TMEM181: variants seen among roughly 807,000 people sequenced by gnomAD.
TMEM181 encodes the protein transmembrane protein 181.
Under a neutral mutation model 71.9 loss-of-function variants are expected in TMEM181, and 39 were observed. The observed-to-expected ratio is 0.54, with a 90% CI of 0.42 to 0.71. The LOEUF (loss-of-function observed/expected upper bound fraction) is 0.71, where lower values mean the gene tolerates loss of function less well. Ranked by LOEUF, TMEM181 falls within the 30% of genes least tolerant of loss-of-function variation. The pLI is 0.00. For missense variants in TMEM181, 595 were observed against 583.0 expected, an observed-to-expected ratio of 1.02 and a Z score of -0.21; for synonymous variants, 245 against 228.8, an observed-to-expected ratio of 1.07 and a Z score of -0.64.
At chr6:158,597,464 C>T (rs1784441896) in intron 6 of TMEM181, among the ~76,000 whole-genome samples, 2 of 152,024 alleles carry the variant, frequency 1.3e-5, no homozygotes, top group African/African-American at 4.8e-5. Context: ...CATTCTGTGC[C>T]CTCAGTGGAA....
At chr6:158,596,977 C>A (rs996442164) in intron 6 of TMEM181, among the ~76,000 whole-genome samples, 7 of 152,140 alleles carry the variant, frequency 4.6e-5, no homozygotes, top group African/African-American at 1.7e-4. Context: ...CGTATCACTT[C>A]CCTAATGTAC....
At chr6:158,606,626 G>A (rs955632807) in intron 7 of TMEM181, among the ~76,000 whole-genome samples, 1 of 152,208 alleles carries the variant, frequency 6.6e-6, no homozygotes, top group African/African-American at 2.4e-5. Context: ...TAAAAATTAT[G>A]TTATATAATG....
chr6:158,538,387 T>C (rs976442084), intron 1 of TMEM181, among the ~76,000 whole-genome samples: 1 of 151,900 alleles, frequency 6.6e-6, no homozygotes, highest in Non-Finnish European at 1.5e-5. Context: ...ACTCCTGGGC[T>C]CAAGTGATGC....
intron 10 of TMEM181, chr6:158,610,693 G>A: frequency 7.0e-6 from 2 of 287,750 alleles, no homozygotes; most frequent in Non-Finnish European, 1.4e-5. Flanking sequence ...CATCTCTGGA[G>A]ACGTTATGGG....
At chr6:158,602,879 G>T (rs1273850120) in intron 6 of TMEM181, among the ~76,000 whole-genome samples, 1 of 152,108 alleles carries the variant, frequency 6.6e-6, no homozygotes, top group African/African-American at 2.4e-5. Flanking sequence ...ACTGCACCTG[G>T]CCTAATTTAC....
At chr6:158,569,084 TC>T (rs1353335007) in intron 1 of TMEM181, among the ~76,000 whole-genome samples, 2 of 152,026 alleles carry the variant, frequency 1.3e-5, no homozygotes, top group Admixed American at 6.6e-5. Flanking sequence ...CAAACGATCC[TC>T]CCCCCTCAGC....
At chr6:158,602,780 C>T (rs1337012012) in intron 6 of TMEM181, among the ~76,000 whole-genome samples, 2 of 151,942 alleles carry the variant, frequency 1.3e-5, no homozygotes, top group Non-Finnish European at 2.9e-5. Flanking sequence ...CAGGATCTTG[C>T]TCTGTTGACC....
chr6:158,624,474 G>A (rs985574023), intron 11 of TMEM181, among the ~76,000 whole-genome samples: 2 of 152,242 alleles, frequency 1.3e-5, no homozygotes, highest in African/African-American at 4.8e-5. Context: ...CGGGGACTGC[G>A]TCTAAAGACA....
At position 158,537,293 on chromosome 6, in the gene TMEM181, C is replaced by G. The variant is rs370570451; in HGVS notation, c.131+428C>G. On this transcript the variant is annotated intron_variant, in intron 1 of 16. Transcript: ENST00000367090. ...GAGGCGACCGCGCGCGCTGCGGCGT[C>G]GGGAGGAGGGTCTTGGCCGCAGCTC... Among the ~76,000 whole-genome samples the G allele has an allele frequency of 2.4e-4, 36 of 152,164 alleles. No individual in the cohort carries two copies. In the South Asian group the frequency reaches 7.0e-3, roughly 30 times the overall value.
intron 10 of TMEM181, among the ~76,000 whole-genome samples, chr6:158,614,949 C>T (rs1000240742): frequency 5.3e-5 from 8 of 152,146 alleles, no homozygotes; most frequent in African/African-American, 1.9e-4. Flanking sequence ...AATAAACATA[C>T]GTGTGCATGT....
chr6:158,611,343 G>A, intron 10 of TMEM181: 1 of 521,668 alleles, frequency 1.9e-6, no homozygotes, highest in Non-Finnish European at 3.9e-6. Context: ...TTGAACTAGT[G>A]ACAGCCTCTC....
intron 1 of TMEM181, among the ~76,000 whole-genome samples, chr6:158,565,528 G>A (rs1782439126): frequency 6.6e-6 from 1 of 152,248 alleles, no homozygotes; most frequent in African/African-American, 2.4e-5. Context: ...AGCAGGAAGA[G>A]ACAACGCTGG....
At chr6:158,598,466 C>CTG (rs1387449153) in intron 6 of TMEM181, among the ~76,000 whole-genome samples, 2 of 152,040 alleles carry the variant, frequency 1.3e-5, no homozygotes, top group African/African-American at 4.8e-5. Context: ...CCCAGGGAAA[C>CTG]TGAGAGGAGT....
chr6:158,552,960 C>T (rs867441835), intron 1 of TMEM181, among the ~76,000 whole-genome samples: 15 of 152,220 alleles, frequency 9.9e-5, no homozygotes, highest in African/African-American at 2.6e-4. Flanking sequence ...GAGGCTGATG[C>T]GGGAGGATCA....
chr6:158,574,722 C>T (rs1000445369), intron 2 of TMEM181, among the ~76,000 whole-genome samples: 2 of 152,174 alleles, frequency 1.3e-5, no homozygotes, highest in South Asian at 2.1e-4. Flanking sequence ...AGAATCAATA[C>T]GAAATATCTA....
chr6:158,575,091 G>A (rs991186855), intron 2 of TMEM181, among the ~76,000 whole-genome samples: 2 of 152,150 alleles, frequency 1.3e-5, no homozygotes, highest in Non-Finnish European at 2.9e-5. Context: ...TCAGTCTACC[G>A]ATTCACATGT....
intron 3 of TMEM181, among the ~76,000 whole-genome samples, chr6:158,582,539 C>T (rs1783538337): frequency 1.3e-5 from 2 of 152,162 alleles, no homozygotes; most frequent in South Asian, 2.1e-4. Flanking sequence ...GTGGGGCATA[C>T]CTGTAGTCCC....
At chr6:158,575,763 T>C (rs968612397) in intron 2 of TMEM181, among the ~76,000 whole-genome samples, 5 of 152,222 alleles carry the variant, frequency 3.3e-5, no homozygotes, top group African/African-American at 9.6e-5. Flanking sequence ...ACATTTGATA[T>C]ATGCTTCCCA....
chr6:158,605,131 A>AAGTGTGTGGGG, intron 6 of TMEM181, 136 bp from the exon 7 acceptor site: 1 of 159,686 alleles, frequency 6.3e-6, no homozygotes, highest in Non-Finnish European at 1.2e-5. Context: ...AAAAAAAAAA[A>AAGTGTGTGGGG]GTGTGTGTGT....
Sources: gnomAD v4.1 joint callset for allele counts (sites outside exome capture counted in the v4.1 genomes callset) on GRCh38, gnomAD v4.1.1 for gene constraint, MANE v1.5 for transcripts, NCBI Gene and HGNC (gene_info 2026-07-23, HGNC 2026-07-21) for gene names.